RNF144B: variants seen among roughly 807,000 people sequenced by gnomAD.
RNF144B encodes E3 ubiquitin-protein ligase RNF144B.
Under a neutral mutation model 40.2 loss-of-function variants are expected in RNF144B, and 25 were observed. That is an observed-to-expected ratio of 0.62 (90% CI 0.45 to 0.87). The LOEUF (loss-of-function observed/expected upper bound fraction) is 0.87. RNF144B is among the 40% of genes least tolerant of loss of function. The pLI is 0.00. For synonymous variants in RNF144B, 145 were observed against 136.3 expected, an observed-to-expected ratio of 1.06 and a Z score of -0.44; for missense variants, 365 against 373.7, an observed-to-expected ratio of 0.98 and a Z score of 0.19.
chr6:18,396,650 T>C (rs560983694), intron 1 of RNF144B: 1 of 985,376 alleles, frequency 1.0e-6, no homozygotes, highest in South Asian at 4.7e-5. Context: ...GGGATTTCTC[T>C]TGAAAGAAAG....
At chr6:18,388,217 G>A (rs1156446095) in intron 1 of RNF144B, among the ~76,000 whole-genome samples, 3 of 152,076 alleles carry the variant, frequency 2.0e-5, no homozygotes, top group African/African-American at 7.2e-5. Flanking sequence ...TCTGGGAAAT[G>A]TTCTTTTTTC....
intron 2 of RNF144B, among the ~76,000 whole-genome samples, chr6:18,401,670 C>A (rs1794804433): frequency 6.6e-6 from 1 of 152,126 alleles, no homozygotes; most frequent in Admixed American, 6.5e-5. Context: ...TAATACTTCC[C>A]AGACTTTAAT....
At position 18,443,106 on chromosome 6, in the gene RNF144B, T is replaced by G. The variant is rs1759001613; in HGVS notation, c.331+3362T>G. ...TTTAGTTTTTGAGGAACTGCCAAATTGTAAAACCCTATAATTTAAATATAA... is the reference window on the plus strand; with the variant it reads ...TTTAGTTTTTGAGGAACTGCCAAATGGTAAAACCCTATAATTTAAATATAA... On this transcript the variant is annotated intron_variant, in intron 4 of 7. Transcript: ENST00000259939. This position sits in a 1 kb window ranked among gnomAD's most constrained non-coding sequence, Gnocchi z 4.7. Among the ~76,000 whole-genome samples, 1 of 152,178 alleles carries G rather than the reference T, an allele frequency of 6.6e-6. No individual in the cohort carries two copies. Among genetic ancestry groups the G allele is most frequent in the Admixed American group, 6.5e-5 (1 of 15,272 alleles).
rs147313004 is a variant in RNF144B, at chr6:18,412,104, G to T, written c.165+12405G>T. Among the ~76,000 whole-genome samples the T allele has an allele frequency of 0.01, 1,561 of 152,140 alleles. 15 individuals are homozygous for T. Among genetic ancestry groups the T allele is most frequent in the Non-Finnish European group, 0.015 (1,012 of 68,012 alleles). ...TAAATGTGAAAATACCTGTCCTTAGGATAACTTTTTAGAAATAGAATTGCC... is the reference window on the plus strand; with the variant it reads ...TAAATGTGAAAATACCTGTCCTTAGTATAACTTTTTAGAAATAGAATTGCC... On this transcript the variant is annotated intron_variant, in intron 2 of 7. Coordinates refer to ENST00000259939, the MANE Select transcript of RNF144B (RefSeq NM_182757.4). The surrounding 1 kb of genome is among the most constrained non-coding windows in gnomAD (Gnocchi z 4.2).
In RNF144B at chr6:18,427,635, A is replaced by G. The variant is rs1340072111; in HGVS notation, c.220A>G (p.Thr74Ala). 2 of 1,613,796 alleles carry G rather than the reference A, an allele frequency of 1.2e-6. No individual in the cohort carries two copies. The highest frequency in any genetic ancestry group is 1.7e-6 in the Non-Finnish European group (2 of 1,179,802). ...AIREGCGSPI[T>A]CPDMVCLNHG... Reference sequence around the variant, plus strand: ...CCGAGAAGGATGTGGGTCTCCCATCACTTGCCCTGACATGGTGTGCCTAAA... The same window carrying G: ...CCGAGAAGGATGTGGGTCTCCCATCGCTTGCCCTGACATGGTGTGCCTAAA... The change falls in exon 3 of 8, where the codon ACT becomes GCT. Residue 74 changes from threonine (T) to alanine (A), a missense_variant. Transcript: ENST00000259939.
At chr6:18,421,228 G>T in intron 2 of RNF144B, among the ~76,000 whole-genome samples, 1 of 147,858 alleles carries the variant, frequency 6.8e-6, no homozygotes, top group Non-Finnish European at 1.5e-5. Context: ...CTCCAGCCTG[G>T]GTGACAGAGT....
chr6:18,457,921 G>A lies in RNF144B; in HGVS notation c.536+562G>A, dbSNP rs1298858201. Reference sequence around the variant, plus strand: ...AAGCAATTAAATCTGTACCTTTTTAGTACAGCGGGTTTTTTTTTGTTTTGT... The same window carrying A: ...AAGCAATTAAATCTGTACCTTTTTAATACAGCGGGTTTTTTTTTGTTTTGT... On this transcript the variant is annotated intron_variant, in intron 5 of 7. Transcript: ENST00000259939. This position sits in a 1 kb window ranked among gnomAD's most constrained non-coding sequence, Gnocchi z 5.1. 6.6e-6 allele frequency among the ~76,000 whole-genome samples: 1 copy of A among 151,702 alleles called. No individual in the cohort carries two copies. The highest frequency in any genetic ancestry group is 1.5e-5 in the Non-Finnish European group (1 of 67,954).
rs12527087 is a variant in RNF144B at position 18,434,903 on chromosome 6, A to G, written c.271-4781A>G. On this transcript the variant is annotated intron_variant, in intron 3 of 7. Transcript: ENST00000259939. This position sits in a 1 kb window ranked among gnomAD's most constrained non-coding sequence, Gnocchi z 4.1. ...CCCAAAGTGCTAGGATTACAGGCGT[A>G]AGCCACCTTGCCTGGCCAGAATTGA... Among the ~76,000 whole-genome samples, 19,426 of 152,256 alleles carry G rather than the reference A, an allele frequency of 0.13. 1,397 individuals are homozygous for G. The highest frequency in any genetic ancestry group is 0.19 in the Admixed American group (2,969 of 15,280).
chr6:18,406,090 C>A lies in RNF144B; in HGVS notation c.165+6391C>A. On this transcript the variant is annotated intron_variant, in intron 2 of 7. Transcript: ENST00000259939. This position sits in a 1 kb window ranked among gnomAD's most constrained non-coding sequence, Gnocchi z 4.2. ...AATATTTGCTGTGTCTTGCATAGTTCTGATGGTTTGAATATAGTGGTGAAC... is the reference window on the plus strand; with the variant it reads ...AATATTTGCTGTGTCTTGCATAGTTATGATGGTTTGAATATAGTGGTGAAC... The A allele has an allele frequency of 1.9e-6, 1 of 518,938 alleles. No individual in the cohort carries two copies. Among genetic ancestry groups the A allele is most frequent in the South Asian group, 1.4e-5 (1 of 71,576 alleles). The allele number at this position is 518,938 out of a possible 1,614,324, so 32.1% of individuals were successfully genotyped here.
intron 2 of RNF144B, among the ~76,000 whole-genome samples, chr6:18,421,805 G>A (rs1289567688): frequency 6.6e-6 from 1 of 152,198 alleles, no homozygotes; most frequent in Non-Finnish European, 1.5e-5. Flanking sequence ...GACGGGCTGG[G>A]TGTGCTGCCA....
rs955842450 is a variant in RNF144B, at chr6:18,416,691, T to C, written c.166-10890T>C. ...CTCAATCAGAGTTTTAAATTTTGCA[T>C]ATATAATTTCCCCCTTAAGCTTCCT... On this transcript the variant is annotated intron_variant, in intron 2 of 7. Coordinates refer to ENST00000259939, the MANE Select transcript of RNF144B (RefSeq NM_182757.4). This position sits in a 1 kb window ranked among gnomAD's most constrained non-coding sequence, Gnocchi z 5.5. 6.6e-6 allele frequency among the ~76,000 whole-genome samples: 1 copy of C among 152,210 alleles called. No individual in the cohort carries two copies. The highest frequency in any genetic ancestry group is 2.4e-5 in the African/African-American group (1 of 41,456).
rs1455768458 is a variant in RNF144B, at chr6:18,466,737, G to GGATGA, written c.*1671_*1675dup. 1 of 152,622 alleles carries GGATGA rather than the reference G, an allele frequency of 6.6e-6. No individual in the cohort carries two copies. Among genetic ancestry groups the GGATGA allele is most frequent in the Non-Finnish European group, 1.5e-5 (1 of 68,038 alleles). 9.5% of individuals were successfully genotyped at this position (152,622 alleles called of 1,614,324 possible). On this transcript the variant is annotated 3_prime_UTR_variant, in exon 8 of 8. Coordinates refer to ENST00000259939, the MANE Select transcript of RNF144B (RefSeq NM_182757.4). ...CTGCTATCTCGGACCTATTGTTAAA[G>GGATGA]GATGATGCTTTGCCTATGTAATAGG...
At chr6:18,451,906 A>C (rs888659843) in intron 4 of RNF144B, among the ~76,000 whole-genome samples, 1 of 152,252 alleles carries the variant, frequency 6.6e-6, no homozygotes, top group Non-Finnish European at 1.5e-5. Flanking sequence ...TTTAAGTGCT[A>C]TATGGAAAGT....
At position 18,414,471 on chromosome 6, in the gene RNF144B, G is replaced by A. The variant is rs1216272121; in HGVS notation, c.166-13110G>A. ...TTATATCCTGTAGGAAAAAATGTTG[G>A]TGATGAGTTAGCTTTATTCTGTCAC... On this transcript the variant is annotated intron_variant, in intron 2 of 7. Transcript: ENST00000259939. This position sits in a 1 kb window ranked among gnomAD's most constrained non-coding sequence, Gnocchi z 4.9. Among the ~76,000 whole-genome samples the A allele has an allele frequency of 2.0e-5, 3 of 152,102 alleles. No individual in the cohort carries two copies. The highest frequency in any genetic ancestry group is 7.2e-5 in the African/African-American group (3 of 41,420).
At chr6:18,432,497 C>T (rs746499795) in intron 3 of RNF144B, among the ~76,000 whole-genome samples, 2 of 152,182 alleles carry the variant, frequency 1.3e-5, no homozygotes, top group Admixed American at 6.5e-5. Context: ...TAATCATGTC[C>T]AACATGAAAT....
Position 18,399,587 on chromosome 6 carries a change from C to G in RNF144B, c.53C>G (p.Thr18Ser), listed in dbSNP as rs778092076. The change falls in exon 2 of 8, where the codon ACT (threonine) becomes AGT (serine). Residue 18 changes from threonine to serine, a missense_variant. By Grantham distance (58) the Thr-to-Ser change is moderately conservative (BLOSUM62 1). Transcript: ENST00000259939. ...CTCGCCATGACTGCTGAAAATCCCA[C>G]TCCTGGAGACCTGGCTCCGGCCCCC... The part of the protein sequence containing the change: ...HYLAMTAENP[T>S]PGDLAPAPLI... The G allele has an allele frequency of 5.0e-6, 8 of 1,614,054 alleles. No homozygotes were observed. In the Admixed American group the frequency reaches 1.3e-4, roughly 27 times the overall value.
intron 2 of RNF144B, among the ~76,000 whole-genome samples, chr6:18,408,739 C>A (rs537168591): frequency 6.6e-6 from 1 of 152,088 alleles, no homozygotes; most frequent in African/African-American, 2.4e-5. Flanking sequence ...AGCTGCATGG[C>A]GGGTCAGGAT....
At position 18,458,218 on chromosome 6, in the gene RNF144B, A is replaced by G. The variant is rs574402035; in HGVS notation, c.536+859A>G. ...CTCCCAAAGTGCTAGGATTACAGAC[A>G]TAAGCCACCACACTTGGGCGATACA... On this transcript the variant is annotated intron_variant, in intron 5 of 7. Coordinates refer to ENST00000259939, the MANE Select transcript of RNF144B (RefSeq NM_182757.4). This position sits in a 1 kb window ranked among gnomAD's most constrained non-coding sequence, Gnocchi z 4.8. Among the ~76,000 whole-genome samples, 18 of 152,320 alleles carry G rather than the reference A, an allele frequency of 1.2e-4. No individual in the cohort carries two copies. The highest frequency in any genetic ancestry group is 6.5e-4 in the Admixed American group (10 of 15,300).
chr6:18,451,119 T>C (rs749642357), intron 4 of RNF144B, among the ~76,000 whole-genome samples: 3 of 152,248 alleles, frequency 2.0e-5, no homozygotes, highest in Non-Finnish European at 4.4e-5. Flanking sequence ...ATTTTTGTTA[T>C]CTCATGGGAT....
Sources: allele counts gnomAD v4.1 joint callset (sites outside exome capture counted in the v4.1 genomes callset), GRCh38; gene constraint gnomAD v4.1.1; non-coding constraint Gnocchi (gnomAD v3.1); transcripts MANE v1.5; gene names NCBI Gene and HGNC (gene_info 2026-07-23, HGNC 2026-07-21).